BHLHE23: variants seen among roughly 807,000 people sequenced by gnomAD.
BHLHE23 encodes basic helix-loop-helix family member e23.
For missense variants in BHLHE23, 401 were observed against 380.0 expected, an observed-to-expected ratio of 1.06 and a Z score of -0.46; for synonymous variants, 204 against 184.4, an observed-to-expected ratio of 1.11 and a Z score of -0.86.
chr20:63,006,294 G>A lies in BHLHE23; in HGVS notation c.481C>T (p.Leu161=). The change falls in exon 1 of 1, where the codon CTG becomes TTG. Residue 161 remains leucine, a synonymous_variant. Transcript: ENST00000612929. ...ATGAGGATATAGTTCTTGGCGAGCAGCAGCGTGGCGATCTTGGAGAGCTTG... is the reference window on the plus strand; with the variant it reads ...ATGAGGATATAGTTCTTGGCGAGCAACAGCGTGGCGATCTTGGAGAGCTTG... ...VRKLSKIATL[L]LAKNYILMQA... The A allele has an allele frequency of 6.2e-7, 1 of 1,611,632 alleles. No individual in the cohort carries two copies. The highest frequency in any genetic ancestry group is 8.5e-7 in the Non-Finnish European group (1 of 1,179,744).
chr20:63,006,479 CG>C lies in BHLHE23; in HGVS notation c.295del (p.Arg99AlafsTer34). On this transcript the variant is annotated frameshift_variant, in exon 1 of 1. Transcript: ENST00000612929. LOFTEE classifies it low-confidence loss of function (END_TRUNC). ...DDAFEQRRRR[R>X]GPGSAADGRR... Reference sequence around the variant, plus strand: ...CCCGTCCGCCGCGCTCCCTGGCCCGCGCCGCCGCCGCCGCTGCTCGAAGGCG... The same window carrying C: ...CCCGTCCGCCGCGCTCCCTGGCCCGCCCGCCGCCGCCGCTGCTCGAAGGCG... 1.5e-6 allele frequency: 2 copies of C among 1,321,048 alleles called. No homozygotes were observed. Among genetic ancestry groups the C allele is most frequent in the Non-Finnish European group, 1.9e-6 (2 of 1,044,692 alleles). 81.8% of individuals were successfully genotyped at this position (1,321,048 alleles called of 1,614,324 possible).
In BHLHE23 at chr20:63,006,222, T is replaced by A; in HGVS notation, c.553A>T (p.Asn185Tyr). The A allele has an allele frequency of 6.2e-7, 1 of 1,605,786 alleles. No homozygotes were observed. The highest frequency in any genetic ancestry group is 1.1e-5 in the South Asian group (1 of 90,292). ...GGCGCGGCCAGGCCCTGGCCCTGGT[T>A]GAGGAAGGCCACCAGGCGCCGCATC... ...DEMRRLVAFL[N>Y]QGQGLAAPVN... is the part of the protein sequence containing the mutation. The change falls in exon 1 of 1, where the codon AAC becomes TAC. Residue 185 changes from asparagine to tyrosine, a missense_variant. Coordinates refer to ENST00000612929, the MANE Select transcript of BHLHE23 (RefSeq NM_080606.4).
Position 63,006,443 on chromosome 20 carries a change from G to GGCC in BHLHE23, c.329_331dup (p.Arg110dup), listed in dbSNP as rs749857639. On this transcript the variant is annotated inframe_insertion, in exon 1 of 1. Transcript: ENST00000612929. ...GAGCCGCAGAGACCGCTGCTCTCGC[G>GGCC]GCCGCCGCCGCCCGTCCGCCGCGCT... 118 of 1,461,384 alleles carry GGCC rather than the reference G, an allele frequency of 8.1e-5. No individual in the cohort carries two copies. The highest frequency in any genetic ancestry group is 2.4e-4 in the East Asian group (8 of 33,650). 90.5% of individuals were successfully genotyped at this position (1,461,384 alleles called of 1,614,324 possible). A position where few individuals can be genotyped will look rare whatever the true frequency, so the allele number is the denominator to read the frequency against.
rs1601122626 is a variant in BHLHE23, at chr20:63,006,251, T to C, written c.524A>G (p.Asp175Gly). The change falls in exon 1 of 1, where the codon GAC becomes GGC. Residue 175 changes from aspartate (D) to glycine (G), a missense_variant. Coordinates refer to ENST00000612929, the MANE Select transcript of BHLHE23 (RefSeq NM_080606.4). ...NYILMQAQALDEMRRLVAFLN... is the reference protein window; with the variant it reads ...NYILMQAQALGEMRRLVAFLN... ...GAAGGCCACCAGGCGCCGCATCTCG[T>C]CCAGGGCCTGCGCCTGCATGAGGAT... 2.5e-6 allele frequency: 4 copies of C among 1,610,660 alleles called. No homozygotes were observed. Among genetic ancestry groups the C allele is most frequent in the Non-Finnish European group, 3.4e-6 (4 of 1,179,534 alleles).
At position 63,006,845 on chromosome 20, in the gene BHLHE23, C is replaced by G; in HGVS notation, c.-71G>C. On this transcript the variant is annotated 5_prime_UTR_variant, in exon 1 of 1. Coordinates refer to ENST00000612929, the MANE Select transcript of BHLHE23 (RefSeq NM_080606.4). ...TGCCGCTGCGATGAGGCTCCCGGCT[C>G]TGCGCGTCGGTCTGGCTTGCCTGCG... is the stretch of plus-strand genomic sequence containing the variant. The G allele has an allele frequency of 3.3e-6, 4 of 1,227,312 alleles. No homozygotes were observed. The highest frequency in any genetic ancestry group is 4.1e-6 in the Non-Finnish European group (4 of 984,442). The allele number at this position is 1,227,312 out of a possible 1,614,324, so 76.0% of individuals were successfully genotyped here.
Position 63,006,884 on chromosome 20 carries a change from C to A in BHLHE23, c.-110G>T. 1 of 1,221,388 alleles carries A rather than the reference C, an allele frequency of 8.2e-7. No individual in the cohort carries two copies. Among genetic ancestry groups the A allele is most frequent in the South Asian group, 4.2e-5 (1 of 24,060 alleles). 75.7% of individuals were successfully genotyped at this position (1,221,388 alleles called of 1,614,324 possible). ...GGCTTGCCTGCGGGTCCCAGAGCCTCGGCGCCCGCTGCCTCCTCCGCCTCT... is the reference window on the plus strand; with the variant it reads ...GGCTTGCCTGCGGGTCCCAGAGCCTAGGCGCCCGCTGCCTCCTCCGCCTCT... On this transcript the variant is annotated 5_prime_UTR_variant, in exon 1 of 1. Transcript: ENST00000612929.
Position 63,006,391 on chromosome 20 carries a change from G to A in BHLHE23, c.384C>T (p.Arg128=). ...RLSINARERR[R]MHDLNDALDG... Reference sequence around the variant, plus strand: ...CCAGCGCGTCGTTTAGGTCGTGCATGCGCCGCCGCTCGCGCGCGTTGATGC... The same window carrying A: ...CCAGCGCGTCGTTTAGGTCGTGCATACGCCGCCGCTCGCGCGCGTTGATGC... The change falls in exon 1 of 1, where the codon CGC becomes CGT. Residue 128 remains arginine, a synonymous_variant. Coordinates refer to ENST00000612929, the MANE Select transcript of BHLHE23 (RefSeq NM_080606.4). 2 of 1,595,386 alleles carry A rather than the reference G, an allele frequency of 1.3e-6. No homozygotes were observed. The highest frequency in any genetic ancestry group is 1.7e-6 in the Non-Finnish European group (2 of 1,176,220).
Position 63,006,638 on chromosome 20 carries a change from G to A in BHLHE23, c.137C>T (p.Ala46Val). Residue 46 changes from alanine (A) to valine (V), a missense_variant, in exon 1 of 1, where the codon GCG (alanine) becomes GTG (valine). By Grantham distance (64) the Ala-to-Val change is moderately conservative (BLOSUM62 0). Transcript: ENST00000612929. ...GCGGGCCGCTTCGGGTTCTCGCGCC[G>A]CCCCGTAGGCGAGACCCGCAGCCGC... is the stretch of plus-strand genomic sequence containing the variant. ...AAAAAGLAYG[A>V]AREPEAARGY... 2.2e-6 allele frequency: 3 copies of A among 1,359,330 alleles called. No individual in the cohort carries two copies. Among genetic ancestry groups the A allele is most frequent in the Non-Finnish European group, 1.9e-6 (2 of 1,055,964 alleles). 84.2% of individuals were successfully genotyped at this position (1,359,330 alleles called of 1,614,324 possible). A position where few individuals can be genotyped will look rare whatever the true frequency, so the allele number is the denominator to read the frequency against.
In BHLHE23 at chr20:63,006,751, C is replaced by T; in HGVS notation, c.24G>A (p.Glu8=). Residue 8 remains glutamate (E), a synonymous_variant, in exon 1 of 1, where the codon GAG becomes GAA. Transcript: ENST00000612929. The part of the protein sequence containing the change: MSIRPPG[E]PPSPGGAAMA... ...TGGCCGCGCCGCCTGGGCTCGGGGG[C>T]TCGCCGGGTGGGCGGATGCTCATGT... 2 of 1,283,678 alleles carry T rather than the reference C, an allele frequency of 1.6e-6. No individual in the cohort carries two copies. The highest frequency in any genetic ancestry group is 2.0e-6 in the Non-Finnish European group (2 of 1,017,690). 79.5% of individuals were successfully genotyped at this position (1,283,678 alleles called of 1,614,324 possible). A position where few individuals can be genotyped will look rare whatever the true frequency, so the allele number is the denominator to read the frequency against.
chr20:63,006,720 C>A lies in BHLHE23; in HGVS notation c.55G>T (p.Glu19Ter). The part of the protein sequence containing the change: ...PPSPGGAAMA[E>*]LKSLSGDAYL... Reference sequence around the variant, plus strand: ...GCGTCCCCCGACAGCGACTTGAGCTCGGCCATGGCCGCGCCGCCTGGGCTC... The same window carrying A: ...GCGTCCCCCGACAGCGACTTGAGCTAGGCCATGGCCGCGCCGCCTGGGCTC... The change falls in exon 1 of 1, where the codon GAG (glutamate) becomes TAG (stop). Residue 19 changes from glutamate to a stop codon, truncating the protein, a stop_gained. Coordinates refer to ENST00000612929, the MANE Select transcript of BHLHE23 (RefSeq NM_080606.4). LOFTEE classifies it low-confidence loss of function (END_TRUNC). 1 of 1,328,260 alleles carries A rather than the reference C, an allele frequency of 7.5e-7. No individual in the cohort carries two copies. Among genetic ancestry groups the A allele is most frequent in the South Asian group, 2.0e-5 (1 of 50,472 alleles). The allele number at this position is 1,328,260 out of a possible 1,614,324, so 82.3% of individuals were successfully genotyped here. A position where few individuals can be genotyped will look rare whatever the true frequency, so the allele number is the denominator to read the frequency against.
chr20:63,006,277 A>C lies in BHLHE23; in HGVS notation c.498T>G (p.Tyr166Ter). 1.9e-6 allele frequency: 3 copies of C among 1,611,474 alleles called. No homozygotes were observed. The highest frequency in any genetic ancestry group is 2.5e-6 in the Non-Finnish European group (3 of 1,179,742). The change falls in exon 1 of 1, where the codon TAT (tyrosine) becomes TAG (stop). Residue 166 changes from tyrosine to a stop codon, truncating the protein, a stop_gained. Coordinates refer to ENST00000612929, the MANE Select transcript of BHLHE23 (RefSeq NM_080606.4). LOFTEE classifies it low-confidence loss of function (END_TRUNC). ...CCAGGGCCTGCGCCTGCATGAGGAT[A>C]TAGTTCTTGGCGAGCAGCAGCGTGG... The part of the protein sequence containing the change: ...KIATLLLAKN[Y>*]ILMQAQALDE...
chr20:63,006,013 G>A lies in BHLHE23; in HGVS notation c.*36C>T. 3 of 1,482,980 alleles carry A rather than the reference G, an allele frequency of 2.0e-6. No individual in the cohort carries two copies. Among genetic ancestry groups the A allele is most frequent in the Non-Finnish European group, 1.8e-6 (2 of 1,122,102 alleles). The allele number at this position is 1,482,980 out of a possible 1,614,324, so 91.9% of individuals were successfully genotyped here. On this transcript the variant is annotated 3_prime_UTR_variant, in exon 1 of 1. Coordinates refer to ENST00000612929, the MANE Select transcript of BHLHE23 (RefSeq NM_080606.4). ...CAGAGAGACAGTCACAGGGGCGATC[G>A]GAGGACGCGTGCGGGAGGGCCGGGG...
chr20:63,006,546 C>A lies in BHLHE23; in HGVS notation c.229G>T (p.Ala77Ser). The part of the protein sequence containing the change: ...AAPAPRAPAQ[A>S]AESSGEQSGD... Reference sequence around the variant, plus strand: ...CTCTGTTCGCCGCTGCTCTCCGCCGCCTGAGCTGGGGCGCGAGGTGCAGGC... The same window carrying A: ...CTCTGTTCGCCGCTGCTCTCCGCCGACTGAGCTGGGGCGCGAGGTGCAGGC... Residue 77 changes from alanine (A) to serine (S), a missense_variant, in exon 1 of 1, where the codon GCG becomes TCG. Physicochemically the swap from Ala to Ser is moderately conservative, Grantham distance 99 (BLOSUM62 1). Transcript: ENST00000612929. The A allele has an allele frequency of 7.7e-7, 1 of 1,294,084 alleles. No homozygotes were observed. 80.2% of individuals were successfully genotyped at this position (1,294,084 alleles called of 1,614,324 possible).
rs1369830092 is a variant in BHLHE23 at position 63,006,339 on chromosome 20, C to A, written c.436G>T (p.Ala146Ser). The A allele has an allele frequency of 6.2e-7, 1 of 1,610,752 alleles. No homozygotes were observed. Among genetic ancestry groups the A allele is most frequent in the African/African-American group, 1.3e-5 (1 of 74,948 alleles). Reference protein sequence around the residue: ...LDGLRAVIPYAHSPSVRKLSK... With the variant: ...LDGLRAVIPYSHSPSVRKLSK... ...AGCTTGCGCACCGACGGGCTGTGCGCGTAGGGGATGACGGCTCGCAGCCCG... is the reference window on the plus strand; with the variant it reads ...AGCTTGCGCACCGACGGGCTGTGCGAGTAGGGGATGACGGCTCGCAGCCCG... The change falls in exon 1 of 1, where the codon GCG (alanine) becomes TCG (serine). Residue 146 changes from alanine (A) to serine (S), a missense_variant. Coordinates refer to ENST00000612929, the MANE Select transcript of BHLHE23 (RefSeq NM_080606.4).
Position 63,006,249 on chromosome 20 carries a change from C to A in BHLHE23, c.526G>T (p.Glu176Ter), listed in dbSNP as rs2065790494. ...AGGAAGGCCACCAGGCGCCGCATCT[C>A]GTCCAGGGCCTGCGCCTGCATGAGG... ...YILMQAQALD[E>*]MRRLVAFLNQ... Residue 176 changes from glutamate to a stop codon, truncating the protein, a stop_gained, in exon 1 of 1, where the codon GAG becomes TAG. Transcript: ENST00000612929. LOFTEE classifies it low-confidence loss of function (END_TRUNC). 1 of 1,610,326 alleles carries A rather than the reference C, an allele frequency of 6.2e-7. No homozygotes were observed. The highest frequency in any genetic ancestry group is 8.5e-7 in the Non-Finnish European group (1 of 1,179,486).
chr20:63,006,119 C>T lies in BHLHE23; in HGVS notation c.656G>A (p.Cys219Tyr). ...PFSAGAALGP[C>Y]PDKCAAFSGT... The stretch of plus-strand genomic sequence containing the variant: ...GGAGAAGGCGGCGCACTTGTCAGGG[C>T]AGGGCCCCAGGGCGGCGCCTGCGGA... Residue 219 changes from cysteine to tyrosine, a missense_variant, in exon 1 of 1, where the codon TGC becomes TAC. Physicochemically the swap from Cys to Tyr is radical, Grantham distance 194. Transcript: ENST00000612929. 6.5e-7 allele frequency: 1 copy of T among 1,546,416 alleles called. No individual in the cohort carries two copies. The highest frequency in any genetic ancestry group is 8.7e-7 in the Non-Finnish European group (1 of 1,147,720).
In BHLHE23 at chr20:63,005,952, G is replaced by T; in HGVS notation, c.*97C>A. On this transcript the variant is annotated 3_prime_UTR_variant, in exon 1 of 1. Coordinates refer to ENST00000612929, the MANE Select transcript of BHLHE23 (RefSeq NM_080606.4). ...AAGCGAAGTCGGGCCCCCTCCTCCTGGTCTGCAGGGTCCCTCCAGGCCTTT... is the reference window on the plus strand; with the variant it reads ...AAGCGAAGTCGGGCCCCCTCCTCCTTGTCTGCAGGGTCCCTCCAGGCCTTT... 7.1e-7 allele frequency: 1 copy of T among 1,414,760 alleles called. No individual in the cohort carries two copies. Among genetic ancestry groups the T allele is most frequent in the Non-Finnish European group, 9.2e-7 (1 of 1,090,740 alleles). 87.6% of individuals were successfully genotyped at this position (1,414,760 alleles called of 1,614,324 possible). A position where few individuals can be genotyped will look rare whatever the true frequency, so the allele number is the denominator to read the frequency against.
Position 63,006,455 on chromosome 20 carries a change from C to A in BHLHE23, c.320G>T (p.Gly107Val). The change falls in exon 1 of 1, where the codon GGG (glycine) becomes GTG (valine). Residue 107 changes from glycine to valine, a missense_variant. Physicochemically the swap from Gly to Val is moderately radical, Grantham distance 109 (BLOSUM62 -3). Coordinates refer to ENST00000612929, the MANE Select transcript of BHLHE23 (RefSeq NM_080606.4). Reference protein sequence around the residue: ...RRRGPGSAADGRRRPREQRSL... With the variant: ...RRRGPGSAADVRRRPREQRSL... ...CCGCTGCTCTCGCGGCCGCCGCCGC[C>A]CGTCCGCCGCGCTCCCTGGCCCGCG... 7.0e-7 allele frequency: 1 copy of A among 1,435,772 alleles called. No homozygotes were observed. Among genetic ancestry groups the A allele is most frequent in the Non-Finnish European group, 9.1e-7 (1 of 1,104,474 alleles). The allele number at this position is 1,435,772 out of a possible 1,614,324, so 88.9% of individuals were successfully genotyped here.
chr20:63,006,003 A>G lies in BHLHE23; in HGVS notation c.*46T>C. The G allele has an allele frequency of 4.1e-6, 6 of 1,474,664 alleles. No individual in the cohort carries two copies. The highest frequency in any genetic ancestry group is 4.5e-6 in the Non-Finnish European group (5 of 1,118,642). The allele number at this position is 1,474,664 out of a possible 1,614,324, so 91.3% of individuals were successfully genotyped here. On this transcript the variant is annotated 3_prime_UTR_variant, in exon 1 of 1. Coordinates refer to ENST00000612929, the MANE Select transcript of BHLHE23 (RefSeq NM_080606.4). ...CCTGTCCGGGCAGAGAGACAGTCACAGGGGCGATCGGAGGACGCGTGCGGG... is the reference window on the plus strand; with the variant it reads ...CCTGTCCGGGCAGAGAGACAGTCACGGGGGCGATCGGAGGACGCGTGCGGG...
Sources: gnomAD v4.1 joint callset for allele counts on GRCh38, gnomAD v4.1.1 for gene constraint, MANE v1.5 for transcripts, NCBI Gene and HGNC (gene_info 2026-07-23, HGNC 2026-07-21) for gene names.